The following RBM19 variants were observed in gnomAD, a reference collection of about 807,000 sequenced individuals.
RBM19 encodes the protein probable RNA-binding protein 19.
RBM19 carries 94 observed loss-of-function variants against 116.8 expected under a neutral mutation model. The observed-to-expected ratio is 0.80, with a 90% confidence interval of 0.68 to 0.95. The LOEUF is 0.95. RBM19 is among the 40% of genes least tolerant of loss of function. The pLI is 0.00. For synonymous variants in RBM19, 475 were observed against 494.1 expected, an observed-to-expected ratio of 0.96 and a Z score of 0.51; for missense variants, 1,161 against 1,220.7, an observed-to-expected ratio of 0.95 and a Z score of 0.73.
intron 23 of RBM19, among the ~76,000 whole-genome samples, chr12:113,824,181 G>A (rs957874224): frequency 6.6e-6 from 1 of 152,224 alleles, no homozygotes; most frequent in African/African-American, 2.4e-5. Flanking sequence ...CCACAGGCAG[G>A]TGGTATGCTG....
chr12:113,846,530 C>G (rs1378894073), intron 22 of RBM19, among the ~76,000 whole-genome samples: 1 of 152,134 alleles, frequency 6.6e-6, no homozygotes, highest in Admixed American at 6.5e-5. Context: ...AAGACAGAGA[C>G]ACATGGCAAA....
intron 19 of RBM19, 70 bp downstream of exon 19, chr12:113,920,541 G>C (rs191726415): frequency 1.5e-6 from 2 of 1,363,854 alleles, no homozygotes; most frequent in East Asian, 2.3e-5. Context: ...CTCAATTTCA[G>C]AGGGCTGACG....
chr12:113,854,777 T>C (rs1877753152), intron 22 of RBM19, among the ~76,000 whole-genome samples: 1 of 152,130 alleles, frequency 6.6e-6, no homozygotes, highest in Admixed American at 6.5e-5. Context: ...CATCAATTCA[T>C]AGGGCTCCAC....
chr12:113,878,024 T>C (rs1012766624), intron 21 of RBM19, among the ~76,000 whole-genome samples: 3 of 152,230 alleles, frequency 2.0e-5, no homozygotes, highest in Non-Finnish European at 4.4e-5. Context: ...GCTACTCTTA[T>C]TCTCTTATGT....
rs1870394791 is a variant in RBM19 at position 113,939,828 on chromosome 12, G to T, written c.1938+132C>A. On this transcript the variant is annotated intron_variant, in intron 15 of 23. Coordinates refer to ENST00000261741, the MANE Select transcript of RBM19 (RefSeq NM_016196.4). ...GGCGGCAGGGATGATATTCAGCCATGATCGTGACGGGCGGTTTAGGGTGAG... is the reference window on the plus strand; with the variant it reads ...GGCGGCAGGGATGATATTCAGCCATTATCGTGACGGGCGGTTTAGGGTGAG... 2.0e-5 allele frequency: 18 copies of T among 902,496 alleles called. No individual in the cohort carries two copies. The South Asian group carries it at 2.6e-4, about 13-fold the overall frequency. 55.9% of individuals were successfully genotyped at this position (902,496 alleles called of 1,614,324 possible).
At chr12:113,950,219 A>G (rs1871356832) in intron 8 of RBM19, 65 bp from the exon 9 acceptor site, 3 of 1,299,728 alleles carry the variant, frequency 2.3e-6, no homozygotes, top group Non-Finnish European at 3.3e-6. Flanking sequence ...TGGTCCCCAG[A>G]GGAACACCCA....
At chr12:113,919,129 A>G (rs1244526615) in intron 19 of RBM19, among the ~76,000 whole-genome samples, 1 of 152,226 alleles carries the variant, frequency 6.6e-6, no homozygotes, top group Non-Finnish European at 1.5e-5. Context: ...CTGACCAGGA[A>G]GGGCCTAGGA....
intron 17 of RBM19, 145 bp downstream of exon 17, chr12:113,926,909 G>C: frequency 1.1e-6 from 1 of 950,874 alleles, no homozygotes; most frequent in East Asian, 2.5e-5. Context: ...CCAGGGGAAA[G>C]GGTCAAGTAG....
At chr12:113,845,261 GC>G (rs1876860478) in intron 22 of RBM19, among the ~76,000 whole-genome samples, 1 of 144,188 alleles carries the variant, frequency 6.9e-6, no homozygotes, top group Admixed American at 7.0e-5. Flanking sequence ...TCTTGAAGGG[GC>G]CCCTTCTGTC....
chr12:113,945,881 C>T lies in RBM19; in HGVS notation c.1573G>A (p.Ala525Thr). 1 of 1,594,480 alleles carries T rather than the reference C, an allele frequency of 6.3e-7. No homozygotes were observed. Among genetic ancestry groups the T allele is most frequent in the South Asian group, 1.1e-5 (1 of 90,662 alleles). Residue 525 changes from alanine (A) to threonine (T), a missense_variant, in exon 13 of 24, where the codon GCC (alanine) becomes ACC (threonine). Ala to Thr is a moderately conservative substitution (Grantham distance 58). Transcript: ENST00000261741. ...TTGTACTTCTGTGCGATGGCATCGG[C>T]CACGGCATTCGGCCCCATGAATAGT... ...NTLFMGPNAV[A>T]DAIAQKYNAT...
At chr12:113,916,138 T>C (rs796559045) in intron 20 of RBM19, among the ~76,000 whole-genome samples, 11 of 152,310 alleles carry the variant, frequency 7.2e-5, no homozygotes, top group African/African-American at 2.6e-4. Context: ...AGGCTGGGCA[T>C]GGTGGCTCAC....
chr12:113,888,584 T>C (rs931008325), intron 21 of RBM19, among the ~76,000 whole-genome samples: 1 of 152,142 alleles, frequency 6.6e-6, no homozygotes, highest in African/African-American at 2.4e-5. Flanking sequence ...AAGAGAAACA[T>C]GTGAGAGGAC....
chr12:113,933,381 G>A (rs1247732400), intron 16 of RBM19, among the ~76,000 whole-genome samples: 3 of 152,008 alleles, frequency 2.0e-5, no homozygotes, highest in Admixed American at 6.6e-5. Context: ...GAAAAGAACA[G>A]CACCCGCCAG....
chr12:113,828,736 G>C (rs1875102322), intron 23 of RBM19, among the ~76,000 whole-genome samples: 1 of 152,148 alleles, frequency 6.6e-6, no homozygotes. Context: ...GAGGCTGCCT[G>C]CTCTGGAAGG....
Position 113,916,620 on chromosome 12 carries a change from C to G in RBM19, c.2442-1535G>C, listed in dbSNP as rs565763104. On this transcript the variant is annotated intron_variant, in intron 20 of 23. Coordinates refer to ENST00000261741, the MANE Select transcript of RBM19 (RefSeq NM_016196.4). ...TAGGTTGTAGAAGACATTGTGGCCT[C>G]CTTCTTCCCCATTCTTGGATCACTC... Among the ~76,000 whole-genome samples the G allele has an allele frequency of 3.3e-5, 5 of 152,290 alleles. No homozygotes were observed. The South Asian group carries it at 1.0e-3, about 32-fold the overall frequency.
At chr12:113,900,741 T>C (rs1448144744) in intron 21 of RBM19, among the ~76,000 whole-genome samples, 1 of 152,212 alleles carries the variant, frequency 6.6e-6, no homozygotes, top group Non-Finnish European at 1.5e-5. Context: ...GAGTATGTCC[T>C]CTGAGCAAGT....
downstream of RBM19, among the ~76,000 whole-genome samples, chr12:113,818,701 A>G (rs986470818): frequency 6.6e-6 from 1 of 152,256 alleles, no homozygotes; most frequent in Non-Finnish European, 1.5e-5. Flanking sequence ...TTTGAAAGAC[A>G]TGGAACGCAA....
intron 1 of RBM19, among the ~76,000 whole-genome samples, chr12:113,962,880 T>C (rs1480842834): frequency 2.0e-5 from 3 of 152,212 alleles, no homozygotes; most frequent in Non-Finnish European, 4.4e-5. Flanking sequence ...CAAAAGGGAC[T>C]TGTCAGGTGT....
At chr12:113,828,963 T>G (rs1434940599) in intron 23 of RBM19, among the ~76,000 whole-genome samples, 13 of 151,824 alleles carry the variant, frequency 8.6e-5, no homozygotes, top group Admixed American at 8.5e-4. Context: ...ACCAAGCCAA[T>G]GTCCCTTTAT....
Sources: allele counts gnomAD v4.1 joint callset (sites outside exome capture counted in the v4.1 genomes callset), GRCh38; gene constraint gnomAD v4.1.1; transcripts MANE v1.5; gene names NCBI Gene and HGNC (gene_info 2026-07-23, HGNC 2026-07-21).